The following TENM3 variants were observed in gnomAD, a reference collection of about 807,000 sequenced individuals.
The protein encoded by TENM3 is teneurin-3.
Under a neutral mutation model 255.1 loss-of-function variants are expected in TENM3, and 63 were observed. The observed-to-expected ratio is 0.25, with a 90% CI of 0.20 to 0.30. The LOEUF is 0.30. Ranked by LOEUF, TENM3 falls within the 10% of genes least tolerant of loss-of-function variation. TENM3 has a pLI of 1.00. For missense variants in TENM3, 2,929 were observed against 3,461.1 expected (o/e 0.85, Z 3.86); for synonymous variants, 1,306 against 1,322.3 (o/e 0.99, Z 0.27).
chr4:181,579,302 C>G, the TENM3 span, among the ~76,000 whole-genome samples: 1 of 152,220 alleles, frequency 6.6e-6, no homozygotes, highest in Non-Finnish European at 1.5e-5. Flanking sequence ...CCTAACCACT[C>G]CCCCCACATC....
intron 2 of TENM3, among the ~76,000 whole-genome samples, chr4:182,335,599 G>C (rs1764083189): frequency 6.7e-6 from 1 of 148,636 alleles, no homozygotes; most frequent in East Asian, 2.0e-4. Flanking sequence ...CCACACAGCC[G>C]ATCCCAGGGA....
chr4:182,736,792 C>G lies in TENM3; in HGVS notation c.2968-16C>G. 1 of 1,605,458 alleles carries G rather than the reference C, an allele frequency of 6.2e-7. No individual in the cohort carries two copies. Among genetic ancestry groups the G allele is most frequent in the Non-Finnish European group, 8.5e-7 (1 of 1,176,322 alleles). Reference sequence around the variant, plus strand: ...ACGTGATCACAGTTTGAAACTTCTGCTTTATTCAAACTTAGGTACTCCACG... The same window carrying G: ...ACGTGATCACAGTTTGAAACTTCTGGTTTATTCAAACTTAGGTACTCCACG... On this transcript the variant is annotated splice_polypyrimidine_tract_variant and intron_variant, in intron 16 of 27. Transcript: ENST00000511685.
In TENM3 at chr4:182,755,146, A is replaced by G; in HGVS notation, c.4779A>G (p.Gly1593=). The G allele has an allele frequency of 1.2e-6, 2 of 1,613,988 alleles. No homozygotes were observed. Among genetic ancestry groups the G allele is most frequent in the Non-Finnish European group, 8.5e-7 (1 of 1,179,898 alleles). The change falls in exon 22 of 28, where the codon GGA becomes GGG. Residue 1593 remains glycine (G), a synonymous_variant. Coordinates refer to ENST00000511685, the MANE Select transcript of TENM3 (RefSeq NM_001080477.4). ...QVIWLTIGTN[G]CLKSMTAQGL... Reference sequence around the variant, plus strand: ...TATGGTTGACAATAGGAACAAATGGATGTTTGAAAAGCATGACTGCTCAAG... The same window carrying G: ...TATGGTTGACAATAGGAACAAATGGGTGTTTGAAAAGCATGACTGCTCAAG...
the TENM3 span, among the ~76,000 whole-genome samples, chr4:181,996,156 G>A: frequency 0.012 from 1,122 of 93,314 alleles, 15 homozygotes; most frequent in African/African-American, 0.042. Flanking sequence ...GGGTCGCTAC[G>A]GTTAAAAAAA....
chr4:181,597,931 C>T, the TENM3 span, among the ~76,000 whole-genome samples: 2 of 152,140 alleles, frequency 1.3e-5, no homozygotes, highest in African/African-American at 4.8e-5. Context: ...AATAATATTA[C>T]TCATCTCCAG....
chr4:182,443,585 C>A (rs1772671331), intron 3 of TENM3, among the ~76,000 whole-genome samples: 1 of 152,126 alleles, frequency 6.6e-6, no homozygotes, highest in Non-Finnish European at 1.5e-5. Flanking sequence ...CTGCTCTCAC[C>A]ACCAGGTAGG....
chr4:182,267,730 A>AT (rs1759334034), intron 1 of TENM3, among the ~76,000 whole-genome samples: 1 of 151,708 alleles, frequency 6.6e-6, no homozygotes, highest in African/African-American at 2.4e-5. Flanking sequence ...AAAAAAAAAA[A>AT]GCTTATGTGA....
chr4:182,560,052 A>G (rs1560923348), intron 3 of TENM3, among the ~76,000 whole-genome samples: 1 of 151,714 alleles, frequency 6.6e-6, no homozygotes, highest in East Asian at 1.9e-4. Context: ...CCTATTATGT[A>G]CCTATAAAAA....
intron 1 of TENM3, among the ~76,000 whole-genome samples, chr4:182,175,722 A>G (rs1351329373): frequency 1.3e-5 from 2 of 152,228 alleles, no homozygotes. Context: ...TCATGAGGGC[A>G]GTGTAGGAAG....
chr4:181,729,399 T>C, the TENM3 span, among the ~76,000 whole-genome samples: 1 of 152,168 alleles, frequency 6.6e-6, no homozygotes, highest in Non-Finnish European at 1.5e-5. Flanking sequence ...CCTCCAAGCC[T>C]TCCTGTGAGG....
At chr4:181,753,308 A>G in the TENM3 span, among the ~76,000 whole-genome samples, 1 of 152,136 alleles carries the variant, frequency 6.6e-6, no homozygotes, top group Admixed American at 6.5e-5. Flanking sequence ...AAAGAGAAAA[A>G]TATCTCCCCC....
the TENM3 span, among the ~76,000 whole-genome samples, chr4:181,515,010 G>A: frequency 6.6e-6 from 1 of 152,172 alleles, no homozygotes; most frequent in African/African-American, 2.4e-5. Context: ...ATTAAAAAGT[G>A]GTACAGCCAG....
chr4:181,906,660 G>A, the TENM3 span, among the ~76,000 whole-genome samples: 3 of 152,118 alleles, frequency 2.0e-5, no homozygotes, highest in African/African-American at 7.2e-5. Context: ...TATTGAAAAT[G>A]AGGGCTGCAG....
chr4:181,637,233 AC>A, the TENM3 span, among the ~76,000 whole-genome samples: 2 of 150,390 alleles, frequency 1.3e-5, no homozygotes, highest in African/African-American at 4.9e-5. Context: ...AACAAAAAAA[AC>A]TTCAGTGTCT....
Position 182,346,763 on chromosome 4 carries a change from G to T in TENM3, c.345G>T (p.Gly115=), listed in dbSNP as rs779729730. 1 of 1,613,612 alleles carries T rather than the reference G, an allele frequency of 6.2e-7. No individual in the cohort carries two copies. The highest frequency in any genetic ancestry group is 1.1e-5 in the South Asian group (1 of 91,004). The stretch of plus-strand genomic sequence containing the variant: ...ACAGAGGTTACTCTATCAGTGCAGG[G>T]TCAGATGCTGATACTGAAAATGAAG... ...LPHRGYSISA[G]SDADTENEAV... is the part of the protein sequence containing the mutation. Residue 115 remains glycine (G), a synonymous_variant, in exon 3 of 28, where the codon GGG becomes GGT. Coordinates refer to ENST00000511685, the MANE Select transcript of TENM3 (RefSeq NM_001080477.4).
chr4:181,452,899 A>C, the TENM3 span, among the ~76,000 whole-genome samples: 4 of 152,320 alleles, frequency 2.6e-5, no homozygotes, highest in South Asian at 8.3e-4. Flanking sequence ...TATTGAGAAC[A>C]ATGGGAAAAT....
chr4:181,902,466 T>A, the TENM3 span, among the ~76,000 whole-genome samples: 1 of 152,224 alleles, frequency 6.6e-6, no homozygotes, highest in African/African-American at 2.4e-5. Context: ...TAAAGACACA[T>A]GCACGCGTAT....
At chr4:182,742,773 T>C (rs533310869) in intron 18 of TENM3, among the ~76,000 whole-genome samples, 1 of 152,316 alleles carries the variant, frequency 6.6e-6, no homozygotes, top group East Asian at 1.9e-4. Flanking sequence ...GGGCTAAGGC[T>C]GCACCTCAGA....
the TENM3 span, among the ~76,000 whole-genome samples, chr4:182,019,803 T>A: frequency 2.0e-5 from 3 of 152,128 alleles, no homozygotes; most frequent in South Asian, 2.1e-4. Flanking sequence ...TAGCTGGGAC[T>A]ACAGGCACAT....
Sources: allele counts gnomAD v4.1 joint callset (sites outside exome capture counted in the v4.1 genomes callset), GRCh38; gene constraint gnomAD v4.1.1; transcripts MANE v1.5; gene names NCBI Gene and HGNC (gene_info 2026-07-23, HGNC 2026-07-21).